PPP4R3B: variants seen among roughly 807,000 people sequenced by gnomAD.
The protein encoded by PPP4R3B is protein phosphatase 4 regulatory subunit 3B.
PPP4R3B carries 52 observed loss-of-function variants against 95.4 expected under a neutral mutation model. The ratio of observed to expected loss-of-function variants is 0.54; its 90% confidence interval spans 0.44 to 0.69. PPP4R3B has a LOEUF of 0.69. PPP4R3B is among the 30% of genes least tolerant of loss of function. PPP4R3B has a pLI of 0.00. For missense variants in PPP4R3B, 1,003 were observed against 1,005.9 expected, an observed-to-expected ratio of 1.00 and a Z score of 0.04; for synonymous variants, 407 against 343.9, an observed-to-expected ratio of 1.18 and a Z score of -2.03.
At chr2:55,575,434 T>C (rs1688553704) in intron 11 of PPP4R3B, among the ~76,000 whole-genome samples, 1 of 152,104 alleles carries the variant, frequency 6.6e-6, no homozygotes, top group Non-Finnish European at 1.5e-5. Flanking sequence ...TTATAAGTGC[T>C]TTAGACAAAG....
intron 3 of PPP4R3B, among the ~76,000 whole-genome samples, chr2:55,600,782 A>G (rs1268966133): frequency 6.6e-6 from 1 of 152,102 alleles, no homozygotes; most frequent in Non-Finnish European, 1.5e-5. Context: ...TAAAAAAACA[A>G]TGACAAATGG....
In PPP4R3B at chr2:55,565,000, A is replaced by C; in HGVS notation, c.1977T>G (p.Phe659Leu). 1 of 1,609,272 alleles carries C rather than the reference A, an allele frequency of 6.2e-7. No homozygotes were observed. Among genetic ancestry groups the C allele is most frequent in the Non-Finnish European group, 8.5e-7 (1 of 1,178,060 alleles). The change falls in exon 14 of 17, where the codon TTT becomes TTG. Residue 659 changes from phenylalanine (F) to leucine (L), a missense_variant. Physicochemically the swap from Phe to Leu is conservative, Grantham distance 22 (BLOSUM62 0). This residue lies in a region of PPP4R3B where 79 missense variants were observed against 124.9 expected (regional missense o/e 0.63). Coordinates refer to ENST00000616407, the MANE Select transcript of PPP4R3B (RefSeq NM_001122964.3). Reference protein sequence around the residue: ...KSLTAHIVENFYKALESIEYV... With the variant: ...KSLTAHIVENLYKALESIEYV... ...ATTCAATCGATTCAAGTGCTTTATA[A>C]AAGTTTTCAACTATATGGGCAGTAA...
At chr2:55,616,079 TGAG>T (rs1393306004) in intron 1 of PPP4R3B, among the ~76,000 whole-genome samples, 2 of 151,812 alleles carry the variant, frequency 1.3e-5, no homozygotes, top group Non-Finnish European at 2.9e-5. Flanking sequence ...AACCAAGGAA[TGAG>T]GAGACTAGAT....
chr2:55,585,260 A>C, intron 6 of PPP4R3B, 93 bp from the exon 7 acceptor site: 1 of 811,438 alleles, frequency 1.2e-6, no homozygotes, highest in Non-Finnish European at 1.9e-6. Context: ...ACTAGCTCTC[A>C]ACTTTTTGGA....
In PPP4R3B at chr2:55,571,343, G is replaced by A. The variant is rs573309365; in HGVS notation, c.1765+2276C>T. Reference sequence around the variant, plus strand: ...AAATGGAAATGCATTCAATTGACATGTTCCTATTAAGGGAAGTATTCTGCA... The same window carrying A: ...AAATGGAAATGCATTCAATTGACATATTCCTATTAAGGGAAGTATTCTGCA... On this transcript the variant is annotated intron_variant, in intron 12 of 16. Transcript: ENST00000616407. Among the ~76,000 whole-genome samples the A allele has an allele frequency of 3.3e-5, 5 of 152,078 alleles. No individual in the cohort carries two copies. In the East Asian group the frequency reaches 9.7e-4, roughly 29 times the overall value.
chr2:55,570,431 G>A (rs1055445501), intron 12 of PPP4R3B, among the ~76,000 whole-genome samples: 9 of 152,102 alleles, frequency 5.9e-5, no homozygotes, highest in African/African-American at 1.9e-4. Flanking sequence ...CACATTTTAG[G>A]ACACTGAAAA....
In PPP4R3B at chr2:55,564,892, T is replaced by TA. The variant is rs745550479; in HGVS notation, c.2075+9dup. The TA allele has an allele frequency of 1.2e-6, 2 of 1,606,992 alleles. No individual in the cohort carries two copies. Among genetic ancestry groups the TA allele is most frequent in the African/African-American group, 2.7e-5 (2 of 74,552 alleles). On this transcript the variant is annotated intron_variant, in intron 14 of 16. Transcript: ENST00000616407. Reference sequence around the variant, plus strand: ...TTGTAGGCTATAAAAGCAGTATACTTAAACAATACCTGTTCAGTTTCTGAT... The same window carrying TA: ...TTGTAGGCTATAAAAGCAGTATACTTAAAACAATACCTGTTCAGTTTCTGAT...
rs1685055764 is a variant in PPP4R3B, at chr2:55,549,945, G to A, written c.2516C>T (p.Ser839Leu). 5 of 1,613,280 alleles carry A rather than the reference G, an allele frequency of 3.1e-6. No individual in the cohort carries two copies. Among genetic ancestry groups the A allele is most frequent in the African/African-American group, 2.7e-5 (2 of 74,996 alleles). Residue 839 changes from serine (S) to leucine (L), a missense_variant, in exon 17 of 17, where the codon TCG (serine) becomes TTG (leucine). Physicochemically the swap from Ser to Leu is moderately radical, Grantham distance 145 (BLOSUM62 -2). Coordinates refer to ENST00000616407, the MANE Select transcript of PPP4R3B (RefSeq NM_001122964.3). ...DDEEEDEEEE[S>L]SPRKRPRLGS ...AAGACGAGGTCTTTTCCTGGGGGAC[G>A]ATTCTTCTTCTTCATCTTCCTCTTC...
At chr2:55,577,516 T>C (rs944493737) in intron 10 of PPP4R3B, among the ~76,000 whole-genome samples, 160 bp from the exon 11 acceptor site, 24 of 152,124 alleles carry the variant, frequency 1.6e-4, no homozygotes, top group Admixed American at 6.5e-4. Context: ...TATAACTATA[T>C]CTGCAATCTT....
intron 16 of PPP4R3B, among the ~76,000 whole-genome samples, chr2:55,555,932 T>C (rs908773853): frequency 4.6e-5 from 7 of 152,238 alleles, no homozygotes; most frequent in African/African-American, 1.2e-4. Context: ...TTTTTCCTCA[T>C]AGAAAATATA....
Position 55,559,075 on chromosome 2 carries a change from T to C in PPP4R3B, c.2261-107A>G, listed in dbSNP as rs569927265. The C allele has an allele frequency of 2.5e-5, 22 of 874,076 alleles. No individual in the cohort carries two copies. The African/African-American group carries it at 3.6e-4, about 14-fold the overall frequency. 54.1% of individuals were successfully genotyped at this position (874,076 alleles called of 1,614,324 possible). A position where few individuals can be genotyped will look rare whatever the true frequency, so the allele number is the denominator to read the frequency against. ...CTTATAAAACATTGCTGCCCGGGCATGGTGGCTCACGCCTGTAATCCCAAC... is the reference window on the plus strand; with the variant it reads ...CTTATAAAACATTGCTGCCCGGGCACGGTGGCTCACGCCTGTAATCCCAAC... On this transcript the variant is annotated intron_variant, in intron 15 of 16. Coordinates refer to ENST00000616407, the MANE Select transcript of PPP4R3B (RefSeq NM_001122964.3).
chr2:55,564,539 T>A, intron 14 of PPP4R3B, 42 bp from the exon 15 acceptor site: 1 of 1,517,658 alleles, frequency 6.6e-7, no homozygotes, highest in South Asian at 1.3e-5. Context: ...TGATTTAAAG[T>A]TCATCATCAG....
chr2:55,608,956 G>A (rs1445479390), intron 2 of PPP4R3B, among the ~76,000 whole-genome samples: 1 of 152,060 alleles, frequency 6.6e-6, no homozygotes, highest in African/African-American at 2.4e-5. Flanking sequence ...CTTTTGGCTG[G>A]GAGACAGTCT....
intron 6 of PPP4R3B, among the ~76,000 whole-genome samples, chr2:55,586,379 A>G (rs1439597328): frequency 1.3e-5 from 2 of 152,224 alleles, no homozygotes; most frequent in Admixed American, 6.5e-5. Context: ...TACAGAAAAT[A>G]TAACAGTCTT....
chr2:55,609,594 G>T (rs1199898013), intron 2 of PPP4R3B, among the ~76,000 whole-genome samples: 1 of 151,276 alleles, frequency 6.6e-6, no homozygotes, highest in African/African-American at 2.4e-5. Flanking sequence ...CCTGAGCGCA[G>T]GAAGTTAAAG....
intron 2 of PPP4R3B, among the ~76,000 whole-genome samples, chr2:55,610,519 G>C (rs1694017438): frequency 6.6e-6 from 1 of 152,100 alleles, no homozygotes; most frequent in East Asian, 1.9e-4. Flanking sequence ...CACCAAGAAT[G>C]AAGTTTTTCT....
rs573814779 is a variant in PPP4R3B at position 55,551,965 on chromosome 2, A to G, written c.2455-1959T>C. On this transcript the variant is annotated intron_variant, in intron 16 of 16. Coordinates refer to ENST00000616407, the MANE Select transcript of PPP4R3B (RefSeq NM_001122964.3). ...AGGCACCAATCTGATAATCAAAAAG[A>G]TGACAGCAAAGTTACAAAGTTTTAA... Among the ~76,000 whole-genome samples the G allele has an allele frequency of 4.6e-5, 7 of 152,312 alleles. No individual in the cohort carries two copies. In the East Asian group the frequency reaches 5.8e-4, roughly 13 times the overall value.
At chr2:55,611,553 T>C (rs1694169345) in intron 2 of PPP4R3B, among the ~76,000 whole-genome samples, 1 of 152,220 alleles carries the variant, frequency 6.6e-6, no homozygotes, top group Non-Finnish European at 1.5e-5. Context: ...CAATAATGAC[T>C]TTTCAATATC....
chr2:55,556,559 AT>A (rs1685868604), intron 16 of PPP4R3B, among the ~76,000 whole-genome samples: 1 of 151,426 alleles, frequency 6.6e-6, no homozygotes, highest in Non-Finnish European at 1.5e-5. Context: ...AGAGGGACTG[AT>A]TTTTTTCTAA....
Sources: gnomAD v4.1 joint callset for allele counts (sites outside exome capture counted in the v4.1 genomes callset) on GRCh38, gnomAD v4.1.1 for gene constraint, gnomAD v4.1.1 regional missense constraint, MANE v1.5 for transcripts, NCBI Gene and HGNC (gene_info 2026-07-23, HGNC 2026-07-21) for gene names.